DOCK1: variants seen among roughly 807,000 people sequenced by gnomAD.
DOCK1 encodes dedicator of cytokinesis protein 1.
DOCK1 carries 138 observed loss-of-function variants against 262.7 expected under a neutral mutation model. That is an observed-to-expected ratio of 0.53 (90% CI 0.46 to 0.61). The LOEUF is 0.61. Ranked by LOEUF, DOCK1 falls within the 20% of genes least tolerant of loss-of-function variation. The pLI, the probability that DOCK1 is intolerant of heterozygous loss-of-function variation, is 0.00. For synonymous variants in DOCK1, 866 were observed against 867.4 expected (o/e 1.00, Z 0.03); for missense variants, 1,908 against 2,370.7 (o/e 0.80, Z 4.05).
At chr10:127,247,067 T>C (rs921789098) in intron 27 of DOCK1, among the ~76,000 whole-genome samples, 10 of 152,212 alleles carry the variant, frequency 6.6e-5, no homozygotes, top group Non-Finnish European at 8.8e-5. Flanking sequence ...TTGCAGTTAA[T>C]GGCAACAGAA....
At chr10:126,969,918 G>A (rs192426208) in intron 1 of DOCK1, among the ~76,000 whole-genome samples, 37 of 152,278 alleles carry the variant, frequency 2.4e-4, no homozygotes, top group African/African-American at 2.2e-4. Flanking sequence ...TTTGATCCGC[G>A]ATTTTGAAGA....
intron 1 of DOCK1, among the ~76,000 whole-genome samples, chr10:126,956,576 C>T (rs1485414866): frequency 2.6e-5 from 4 of 152,196 alleles, no homozygotes; most frequent in African/African-American, 9.6e-5. Context: ...AGAAAAGCAG[C>T]TCCTCAGCTC....
At chr10:126,978,891 C>T (rs2038744896) in intron 3 of DOCK1, among the ~76,000 whole-genome samples, 1 of 152,134 alleles carries the variant, frequency 6.6e-6, no homozygotes, top group Admixed American at 6.5e-5. Flanking sequence ...CCCCAGAGCC[C>T]CTAACCCAGG....
rs371569729 is a variant in DOCK1, at chr10:126,925,497, C to A, written c.46+19934C>A. Among the ~76,000 whole-genome samples the A allele has an allele frequency of 2.7e-3, 414 of 152,340 alleles. 3 individuals carry two copies. Among genetic ancestry groups the A allele is most frequent in the African/African-American group, 9.2e-3 (382 of 41,588 alleles). On this transcript the variant is annotated intron_variant, in intron 1 of 51. Coordinates refer to ENST00000623213, the MANE Select transcript of DOCK1 (RefSeq NM_001290223.2). The stretch of plus-strand genomic sequence containing the variant: ...CTCTCGGGTTCAAGCAATTATCTTG[C>A]CTCAGCCTGCCAAGTAGCTGGGATT...
intron 27 of DOCK1, among the ~76,000 whole-genome samples, chr10:127,225,990 A>G (rs898674519): frequency 1.3e-5 from 2 of 151,722 alleles, no homozygotes; most frequent in African/African-American, 4.8e-5. Flanking sequence ...AGGCAGGAGA[A>G]TCGATTGAAC....
intron 33 of DOCK1, among the ~76,000 whole-genome samples, chr10:127,372,652 T>A (rs2065268149): frequency 6.6e-6 from 1 of 152,346 alleles, no homozygotes. Flanking sequence ...CTCACTCAGC[T>A]TAAATTCCAC....
intron 29 of DOCK1, among the ~76,000 whole-genome samples, chr10:127,272,601 G>A (rs1028459196): frequency 1.3e-5 from 2 of 152,134 alleles, no homozygotes; most frequent in African/African-American, 4.8e-5. Flanking sequence ...AGCTTTTCTG[G>A]TTTGCTGCTG....
In DOCK1 at chr10:127,452,428, AT is replaced by A. The variant is rs1379743260; in HGVS notation, c.*1008del. ...CTAATATTTGTATTCTCTCATCTAT[AT>A]TTTTTTATTCACTATAATCATGATA... is the stretch of plus-strand genomic sequence containing the variant. On this transcript the variant is annotated 3_prime_UTR_variant, in exon 52 of 52. Coordinates refer to ENST00000623213, the MANE Select transcript of DOCK1 (RefSeq NM_001290223.2). 1 of 152,488 alleles carries A rather than the reference AT, an allele frequency of 6.6e-6. No homozygotes were observed. Among genetic ancestry groups the A allele is most frequent in the Non-Finnish European group, 1.5e-5 (1 of 68,006 alleles). 9.4% of individuals were successfully genotyped at this position (152,488 alleles called of 1,614,324 possible).
At chr10:127,106,334 G>A (rs759403124) in intron 24 of DOCK1, 33 bp downstream of exon 24, 27 of 1,569,242 alleles carry the variant, frequency 1.7e-5, no homozygotes, top group African/African-American at 4.0e-5. Context: ...TGCTTGTCAC[G>A]TGCCGTGTGT....
intron 27 of DOCK1, among the ~76,000 whole-genome samples, chr10:127,223,207 ACATAAATCAG>A (rs2058508009): frequency 6.6e-6 from 1 of 152,220 alleles, no homozygotes; most frequent in South Asian, 2.1e-4. Flanking sequence ...ATTTGGAACA[ACATAAATCAG>A]CAACTTTCAA....
chr10:126,915,847 A>G (rs963911603), intron 1 of DOCK1, among the ~76,000 whole-genome samples: 2 of 151,494 alleles, frequency 1.3e-5, no homozygotes, highest in Admixed American at 6.6e-5. Flanking sequence ...GTGCTGTTTA[A>G]TTCTTTTGGC....
chr10:127,265,957 C>T (rs962819605), intron 29 of DOCK1, among the ~76,000 whole-genome samples: 21 of 152,274 alleles, frequency 1.4e-4, no homozygotes, highest in African/African-American at 4.3e-4. Context: ...CTTTCGTTGC[C>T]GTGAAGGAAT....
At position 127,435,398 on chromosome 10, in the gene DOCK1, G is replaced by A. The variant is rs565065785; in HGVS notation, c.5060+1970G>A. Among the ~76,000 whole-genome samples the A allele has an allele frequency of 5.3e-5, 8 of 152,234 alleles. No individual in the cohort carries two copies. In the East Asian group the frequency reaches 1.2e-3, roughly 22 times the overall value. Reference sequence around the variant, plus strand: ...ACTCGGATTGCCCTTTGTTGCCAACGACTGATGTGCCCGATGGAGAATTGC... The same window carrying A: ...ACTCGGATTGCCCTTTGTTGCCAACAACTGATGTGCCCGATGGAGAATTGC... On this transcript the variant is annotated intron_variant, in intron 48 of 51. Transcript: ENST00000623213.
chr10:127,228,626 C>T (rs1030725959), intron 27 of DOCK1, among the ~76,000 whole-genome samples: 2 of 152,150 alleles, frequency 1.3e-5, no homozygotes, highest in African/African-American at 4.8e-5. Context: ...AGCCACGAGG[C>T]TGTGCTTGCA....
chr10:127,383,978 T>G (rs877747), intron 37 of DOCK1, among the ~76,000 whole-genome samples: 2 of 151,922 alleles, frequency 1.3e-5, no homozygotes, highest in African/African-American at 4.8e-5. Flanking sequence ...TGCAGTAGCC[T>G]GGTCCTAGCT....
rs755175575 is a variant in DOCK1 at position 127,127,691 on chromosome 10, A to G, written c.2774A>G (p.Gln925Arg). 1.3e-5 allele frequency: 21 copies of G among 1,612,764 alleles called. No individual in the cohort carries two copies. The highest frequency in any genetic ancestry group is 1.7e-5 in the Non-Finnish European group (20 of 1,179,050). ...CAGGGGCCAACCCAGAGGCACGTCC[A>G]GATTATCATGGAGAAACTTCTCCGG... is the stretch of plus-strand genomic sequence containing the variant. ...KDVGPTQRHV[Q>R]IIMEKLLRTV... Residue 925 changes from glutamine (Q) to arginine (R), a missense_variant, in exon 27 of 52, where the codon CAG becomes CGG. Physicochemically the swap from Gln to Arg is conservative, Grantham distance 43. This residue lies in a region of DOCK1 where 518 missense variants were observed against 575.1 expected (regional missense o/e 0.90). Coordinates refer to ENST00000623213, the MANE Select transcript of DOCK1 (RefSeq NM_001290223.2).
intron 11 of DOCK1, among the ~76,000 whole-genome samples, chr10:127,010,448 CAG>C (rs1295916307): frequency 6.6e-6 from 1 of 152,196 alleles, no homozygotes; most frequent in Non-Finnish European, 1.5e-5. Context: ...GCCTGGGCGA[CAG>C]AGGGAGATTC....
At chr10:127,180,081 C>T (rs1363371643) in intron 27 of DOCK1, among the ~76,000 whole-genome samples, 24 of 152,206 alleles carry the variant, frequency 1.6e-4, no homozygotes, top group Admixed American at 1.6e-3. Flanking sequence ...CCCTAACCCA[C>T]TACCCCTGCT....
At chr10:127,246,295 G>A (rs1229595195) in intron 27 of DOCK1, among the ~76,000 whole-genome samples, 1 of 152,134 alleles carries the variant, frequency 6.6e-6, no homozygotes, top group Non-Finnish European at 1.5e-5. Context: ...AAACCTCTAA[G>A]CCTCAGTTTC....
Sources: gnomAD v4.1 joint callset for allele counts (sites outside exome capture counted in the v4.1 genomes callset) on GRCh38, gnomAD v4.1.1 for gene constraint, gnomAD v4.1.1 regional missense constraint, MANE v1.5 for transcripts, NCBI Gene and HGNC (gene_info 2026-07-23, HGNC 2026-07-21) for gene names.